GNL3L: variants seen among roughly 807,000 people sequenced by gnomAD.
GNL3L encodes G protein nucleolar 3 like.
A neutral mutation model predicts 42.9 loss-of-function variants in GNL3L; 4 were observed. The observed-to-expected ratio is 0.09, with a 90% CI of 0.05 to 0.21. The LOEUF (loss-of-function observed/expected upper bound fraction) is 0.21. Among genes scored for constraint, GNL3L ranks in the 10% least tolerant of loss-of-function variants. The pLI is 1.00. For missense variants in GNL3L, 412 were observed against 481.7 expected (o/e 0.86, Z 1.36); for synonymous variants, 159 against 176.3 (o/e 0.90, Z 0.78).
intron 2 of GNL3L, among the ~76,000 whole-genome samples, chrX:54,534,583 A>G (rs956373569): frequency 9.0e-6 from 1 of 111,703 alleles, no homozygotes; most frequent in Non-Finnish European, 1.9e-5. Context: ...TGGTGATTTT[A>G]GGCCTAGATG....
intron 16 of GNL3L, among the ~76,000 whole-genome samples, chrX:54,582,060 C>T (rs1337964128): frequency 8.9e-6 from 1 of 111,833 alleles, no homozygotes; most frequent in Non-Finnish European, 1.9e-5. Context: ...GAAATTTGAT[C>T]CCCAGTGTTG....
At chrX:54,538,105 C>T (rs750066734) in intron 2 of GNL3L, among the ~76,000 whole-genome samples, 1 of 110,525 alleles carries the variant, frequency 9.0e-6, no homozygotes, top group Admixed American at 9.8e-5. Context: ...GCAGGAGAAT[C>T]GCTTGAACCC....
intron 16 of GNL3L, among the ~76,000 whole-genome samples, chrX:54,599,433 T>G (rs979154932): frequency 2.6e-4 from 29 of 111,614 alleles, no homozygotes; most frequent in African/African-American, 9.1e-4. Flanking sequence ...TCTATCTATC[T>G]ATCTATGAGA....
chrX:54,542,734 T>C (rs1924660262), intron 5 of GNL3L, among the ~76,000 whole-genome samples: 1 of 111,886 alleles, frequency 8.9e-6, no homozygotes, highest in Non-Finnish European at 1.9e-5. Flanking sequence ...AGTGTTCCTA[T>C]TTCTTCACAT....
At position 54,566,338 on chromosome X, in the gene GNL3L, TGATA is replaced by T. The variant is rs1925427025; in HGVS notation, c.*5739_*5742del. ...ACATTTTCTTTATCCAGTCTTTCGT[TGATA>T]GACATTTAGGTCGATTCCATGTCTT... On this transcript the variant is annotated 3_prime_UTR_variant, in exon 16 of 16. Transcript: ENST00000360845. 8.9e-6 allele frequency among the ~76,000 whole-genome samples: 1 copy of T among 112,089 alleles called. No individual in the cohort carries two copies. The highest frequency in any genetic ancestry group is 1.9e-5 in the Non-Finnish European group (1 of 53,312).
chrX:54,592,542 G>A (rs1180758672), intron 16 of GNL3L, among the ~76,000 whole-genome samples: 1 of 111,741 alleles, frequency 8.9e-6, no homozygotes, highest in African/African-American at 3.3e-5. Context: ...TTGCCTGGGC[G>A]CAGTGGCTCA....
the GNL3L span, among the ~76,000 whole-genome samples, chrX:54,627,754 T>C: frequency 8.9e-6 from 1 of 112,434 alleles, no homozygotes; most frequent in African/African-American, 3.2e-5. Context: ...CTTAATTTAT[T>C]CATTAACTCA....
At chrX:54,572,616 C>T (rs753954877) in intron 16 of GNL3L, among the ~76,000 whole-genome samples, 10 of 106,198 alleles carry the variant, frequency 9.4e-5, no homozygotes, top group Admixed American at 2.0e-4. Flanking sequence ...CCGGATGGGG[C>T]GGCTGGCCGG....
chrX:54,555,984 G>C (rs183335619), intron 14 of GNL3L, among the ~76,000 whole-genome samples: 48 of 110,433 alleles, frequency 4.3e-4, no homozygotes, highest in African/African-American at 1.3e-3. Context: ...CCCTTGAGGA[G>C]TTCATATTTT....
intron 8 of GNL3L, among the ~76,000 whole-genome samples, chrX:54,544,999 G>T (rs947878169): frequency 9.2e-6 from 1 of 109,036 alleles, no homozygotes; most frequent in African/African-American, 3.3e-5. Context: ...TACTGCAACC[G>T]CTGCCCACCA....
At chrX:54,624,627 G>C (rs1233784615), downstream of GNL3L, among the ~76,000 whole-genome samples, 2 of 108,092 alleles carry the variant, frequency 1.9e-5, no homozygotes, top group East Asian at 5.9e-4. Flanking sequence ...TTTTAGTAGA[G>C]ACGGGGTTTC....
intron 4 of GNL3L, 67 bp downstream of exon 4, chrX:54,540,309 A>G (rs1366030114): frequency 2.2e-5 from 15 of 689,383 alleles, no homozygotes; most frequent in Non-Finnish European, 3.5e-5. Context: ...AGAAGTGTTG[A>G]ATGGAAGGGC....
intron 2 of GNL3L, among the ~76,000 whole-genome samples, chrX:54,535,949 CAA>C (rs34106678): frequency 0.13 from 13,178 of 104,520 alleles, 1,371 homozygotes; most frequent in African/African-American, 0.33. Context: ...TTTTTTGAGA[CAA>C]GAGTCTTGCT....
At chrX:54,581,071 A>G (rs6521776) in intron 16 of GNL3L, among the ~76,000 whole-genome samples, 28,529 of 111,292 alleles carry the variant, frequency 0.26, 6,499 homozygotes, top group African/African-American at 0.75. Context: ...ATAAGCCACC[A>G]CGCCTGGCCT....
In GNL3L at chrX:54,562,615, A is replaced by G. The variant is rs1201911269; in HGVS notation, c.*2013A>G. ...CTGCTAGTAAGGGATTCGTCTCCCCAAATGAAAAAAAAAAGTAATCTCAGA... is the reference window on the plus strand; with the variant it reads ...CTGCTAGTAAGGGATTCGTCTCCCCGAATGAAAAAAAAAAGTAATCTCAGA... On this transcript the variant is annotated 3_prime_UTR_variant, in exon 16 of 16. Transcript: ENST00000360845. Among the ~76,000 whole-genome samples the G allele has an allele frequency of 9.0e-6, 1 of 110,610 alleles. No individual in the cohort carries two copies. Among genetic ancestry groups the G allele is most frequent in the African/African-American group, 3.3e-5 (1 of 30,323 alleles).
chrX:54,592,064 TTG>T (rs1402558955), intron 16 of GNL3L, among the ~76,000 whole-genome samples: 2 of 112,054 alleles, frequency 1.8e-5, no homozygotes, highest in African/African-American at 6.5e-5. Context: ...TTAATTTTAT[TTG>T]TGGCTATTGT....
At chrX:54,531,741 C>T (rs995568772) in intron 1 of GNL3L, among the ~76,000 whole-genome samples, 3 of 111,207 alleles carry the variant, frequency 2.7e-5, no homozygotes, top group Admixed American at 9.6e-5. Flanking sequence ...GGTGAAGAGA[C>T]GCAGGACCCA....
chrX:54,548,395 T>C, intron 9 of GNL3L, 22 bp downstream of exon 9: 1 of 1,171,439 alleles, frequency 8.5e-7, no homozygotes, highest in Non-Finnish European at 1.2e-6. Flanking sequence ...TGTGTGGTCA[T>C]GGGGCTCAGG....
chrX:54,624,129 C>T (rs1926324134), downstream of GNL3L, among the ~76,000 whole-genome samples: 1 of 111,334 alleles, frequency 9.0e-6, no homozygotes, highest in African/African-American at 3.3e-5. Context: ...CAGTGTTGCC[C>T]AGGCTGTTCT....
Sources: gnomAD v4.1 joint callset for allele counts (sites outside exome capture counted in the v4.1 genomes callset) on GRCh38, gnomAD v4.1.1 for gene constraint, MANE v1.5 for transcripts, NCBI Gene and HGNC (gene_info 2026-07-23, HGNC 2026-07-21) for gene names.